Variants in PLEKHA7 observed in about 807,000 individuals in gnomAD.
PLEKHA7 encodes the protein pleckstrin homology domain containing A7.
PLEKHA7 carries 104 observed loss-of-function variants against 170.0 expected under a neutral mutation model. That is an observed-to-expected ratio of 0.61 (90% confidence interval 0.52 to 0.72). PLEKHA7 has a LOEUF of 0.72. Ranked by LOEUF, PLEKHA7 falls within the 30% of genes least tolerant of loss-of-function variation. The probability of loss-of-function intolerance (pLI) is 0.00; values close to 1 mark genes in which losing one functional copy is unlikely to be tolerated. For synonymous variants in PLEKHA7, 648 were observed against 660.8 expected (o/e 0.98, Z 0.30); for missense variants, 1,615 against 1,671.7 (o/e 0.97, Z 0.59).
intron 21 of PLEKHA7, 39 bp downstream of exon 21, chr11:16,790,759 G>T (rs1759134135): frequency 6.3e-7 from 1 of 1,581,860 alleles, no homozygotes; most frequent in African/African-American, 1.3e-5. Flanking sequence ...GCAGTGTGGT[G>T]GGATTCCCAG....
intron 3 of PLEKHA7, 91 bp downstream of exon 3, chr11:17,013,898 G>A: frequency 7.4e-7 from 1 of 1,355,444 alleles, no homozygotes; most frequent in Non-Finnish European, 9.7e-7. Context: ...CGGGCCGGCG[G>A]GAGCAGAGGA....
intron 3 of PLEKHA7, among the ~76,000 whole-genome samples, chr11:16,987,933 T>A (rs1321377658): frequency 6.6e-6 from 1 of 152,226 alleles, no homozygotes; most frequent in Non-Finnish European, 1.5e-5. Flanking sequence ...CTAAAATACC[T>A]GGCATGGCAC....
intron 3 of PLEKHA7, among the ~76,000 whole-genome samples, chr11:16,949,422 C>T (rs930804144): frequency 6.6e-6 from 1 of 152,124 alleles, no homozygotes; most frequent in Admixed American, 6.5e-5. Flanking sequence ...GGGGAGGGAG[C>T]GGTGTGACTG....
intron 7 of PLEKHA7, among the ~76,000 whole-genome samples, chr11:16,851,565 T>C (rs1377683882): frequency 3.3e-5 from 5 of 152,060 alleles, no homozygotes. Context: ...TCTCCTGCCT[T>C]AGCCTCCTGA....
At chr11:16,861,143 T>A (rs1285949712) in intron 4 of PLEKHA7, among the ~76,000 whole-genome samples, 1 of 152,140 alleles carries the variant, frequency 6.6e-6, no homozygotes, top group Non-Finnish European at 1.5e-5. Flanking sequence ...CCCAATAGCA[T>A]CTTATAAAAA....
At chr11:16,861,062 G>A (rs1334610036) in intron 4 of PLEKHA7, among the ~76,000 whole-genome samples, 2 of 152,188 alleles carry the variant, frequency 1.3e-5, no homozygotes, top group African/African-American at 4.8e-5. Flanking sequence ...TTATTTCCAA[G>A]GCATATGTCT....
At chr11:16,939,524 TTTAG>T (rs1309977809) in intron 3 of PLEKHA7, among the ~76,000 whole-genome samples, 1 of 152,196 alleles carries the variant, frequency 6.6e-6, no homozygotes, top group Non-Finnish European at 1.5e-5. Flanking sequence ...AATTTACGTA[TTTAG>T]TTTTTATTGA....
At chr11:16,786,798 C>A (rs1470833007) in intron 23 of PLEKHA7, 6 of 985,280 alleles carry the variant, frequency 6.1e-6, no homozygotes, top group Non-Finnish European at 6.0e-6. Flanking sequence ...GAAAAACACG[C>A]CCTTCAAGGC....
At chr11:16,974,236 CAG>C (rs1213674906) in intron 3 of PLEKHA7, among the ~76,000 whole-genome samples, 1 of 148,290 alleles carries the variant, frequency 6.7e-6, no homozygotes, top group African/African-American at 2.5e-5. Flanking sequence ...CACCACACTC[CAG>C]CCTGGGTGAC....
Position 16,778,883 on chromosome 11 carries a change from T to A in PLEKHA7, c.*115A>T. Reference sequence around the variant, plus strand: ...CCGCAGTCGGTAAGCTGCTCCTTCCTCCGGCCGGATTCCCTGCTCAGCTGG... The same window carrying A: ...CCGCAGTCGGTAAGCTGCTCCTTCCACCGGCCGGATTCCCTGCTCAGCTGG... On this transcript the variant is annotated 3_prime_UTR_variant, in exon 27 of 27. Transcript: ENST00000531066. 1.4e-6 allele frequency: 1 copy of A among 697,188 alleles called. No homozygotes were observed. The highest frequency in any genetic ancestry group is 2.5e-4 in the Middle Eastern group (1 of 3,986). The allele number at this position is 697,188 out of a possible 1,614,324, so 43.2% of individuals were successfully genotyped here.
In PLEKHA7 at chr11:16,794,443, C is replaced by G. The variant is rs748925562; in HGVS notation, c.2745+45G>C. 3 of 1,554,314 alleles carry G rather than the reference C, an allele frequency of 1.9e-6. No individual in the cohort carries two copies. In the African/African-American group the frequency reaches 4.1e-5, roughly 21 times the overall value. On this transcript the variant is annotated intron_variant, in intron 19 of 26. Coordinates refer to ENST00000531066, the MANE Select transcript of PLEKHA7 (RefSeq NM_001329630.2). ...CTCCCAGGAGAAGGTAATCTGAGGACAGAGAGGAAACAATGGCATTCAGCT... is the reference window on the plus strand; with the variant it reads ...CTCCCAGGAGAAGGTAATCTGAGGAGAGAGAGGAAACAATGGCATTCAGCT...
chr11:16,935,240 G>A (rs1174339309), intron 3 of PLEKHA7, among the ~76,000 whole-genome samples: 3 of 152,178 alleles, frequency 2.0e-5, no homozygotes, highest in African/African-American at 7.2e-5. Context: ...TTCAAGCCCA[G>A]CCTAGCCAAT....
At chr11:16,897,306 G>A (rs191603004) in intron 3 of PLEKHA7, among the ~76,000 whole-genome samples, 4 of 152,266 alleles carry the variant, frequency 2.6e-5, no homozygotes, top group Admixed American at 1.3e-4. Context: ...GGCGAGAGAC[G>A]TCATCATCTT....
At chr11:16,921,894 C>A (rs974997535) in intron 3 of PLEKHA7, among the ~76,000 whole-genome samples, 1 of 152,206 alleles carries the variant, frequency 6.6e-6, no homozygotes, top group Middle Eastern at 3.2e-3. Context: ...TCTAGAGTCA[C>A]GCAGCTAAAA....
In PLEKHA7 at chr11:16,786,326, T is replaced by C. The variant is rs1191434441; in HGVS notation, c.3419A>G (p.Lys1140Arg). The change falls in exon 24 of 27, where the codon AAG becomes AGG. Residue 1140 changes from lysine (K) to arginine (R), a missense_variant. Transcript: ENST00000531066. ...CAACCAGCCATTCTCCTCCTTGTCC[T>C]TTTTTTCCCCTTGCACGACCCGTTC... Reference protein sequence around the residue: ...LLERVVQGEKKDKEENGWLKV... With the variant: ...LLERVVQGEKRDKEENGWLKV... 11 of 1,535,624 alleles carry C rather than the reference T, an allele frequency of 7.2e-6. No individual in the cohort carries two copies. The highest frequency in any genetic ancestry group is 9.6e-6 in the Non-Finnish European group (11 of 1,146,530).
At chr11:16,782,709 C>T (rs979091997) in intron 26 of PLEKHA7, 45 bp downstream of exon 26, 10 of 1,531,416 alleles carry the variant, frequency 6.5e-6, no homozygotes, top group Non-Finnish European at 8.7e-6. Context: ...CCCACAGGTG[C>T]AGTGGGGCAG....
chr11:16,897,072 C>T (rs774083209), intron 3 of PLEKHA7, among the ~76,000 whole-genome samples: 10 of 152,160 alleles, frequency 6.6e-5, no homozygotes, highest in African/African-American at 1.4e-4. Flanking sequence ...ATATATATAA[C>T]GCCCTGACAG....
intron 4 of PLEKHA7, among the ~76,000 whole-genome samples, chr11:16,861,709 C>A (rs1473048605): frequency 1.3e-5 from 2 of 152,092 alleles, no homozygotes; most frequent in African/African-American, 2.4e-5. Flanking sequence ...TAAGGAAACA[C>A]AAATCTTTTA....
rs748498959 is a variant in PLEKHA7 at position 16,826,412 on chromosome 11, G to A, written c.1051C>T (p.Pro351Ser). ...CTCCGGTCCCGCTTGCCCTCCAGTG[G>A]GTCCCTCTGGGAACGGTACTGCTCT... ...EGEQYRSQRD[P>S]LEGKRDRSKA... The change falls in exon 10 of 27, where the codon CCA becomes TCA. Residue 351 changes from proline to serine, a missense_variant. Pro to Ser is a moderately conservative substitution (Grantham distance 74). Coordinates refer to ENST00000531066, the MANE Select transcript of PLEKHA7 (RefSeq NM_001329630.2). The A allele has an allele frequency of 6.2e-7, 1 of 1,614,204 alleles. No homozygotes were observed. The highest frequency in any genetic ancestry group is 2.2e-5 in the East Asian group (1 of 44,886).
Sources: gnomAD v4.1 joint callset for allele counts (sites outside exome capture counted in the v4.1 genomes callset) on GRCh38, gnomAD v4.1.1 for gene constraint, MANE v1.5 for transcripts, NCBI Gene and HGNC (gene_info 2026-07-23, HGNC 2026-07-21) for gene names.